Variants in H2BC14 observed in about 807,000 individuals in gnomAD.
H2BC14 encodes the protein histone H2B type 1-M.
Under a neutral mutation model 6.3 loss-of-function variants are expected in H2BC14, and 17 were observed. The observed-to-expected ratio is 2.70, with a 90% CI of 1.84 to 4.04. The LOEUF (loss-of-function observed/expected upper bound fraction) is 4.04, where lower values mean the gene tolerates loss of function less well. Among genes scored for constraint, H2BC14 ranks in the 30% most tolerant of loss-of-function variants. H2BC14 has a pLI of 0.00. For missense variants in H2BC14, 235 were observed against 165.1 expected (o/e 1.42, Z -2.32); for synonymous variants, 131 against 69.0 (o/e 1.90, Z -4.45).
rs1760645633 is a variant in H2BC14, at chr6:27,815,261, G to A, written c.218G>A (p.Arg73His). The change falls in exon 1 of 1, where the codon CGT becomes CAT. Residue 73 changes from arginine (R) to histidine (H), a missense_variant. Arg to His is a conservative substitution (Grantham distance 29). Coordinates refer to ENST00000621112, the MANE Select transcript of H2BC14 (RefSeq NM_003521.3). ...TCCTTCGTCAACGACATCTTTGAGCGTATCGCCGGAGAAGCGTCACGCCTG... is the reference window on the plus strand; with the variant it reads ...TCCTTCGTCAACGACATCTTTGAGCATATCGCCGGAGAAGCGTCACGCCTG... ...MNSFVNDIFE[R>H]IAGEASRLAH... 4 of 1,614,214 alleles carry A rather than the reference G, an allele frequency of 2.5e-6. No individual in the cohort carries two copies. Among genetic ancestry groups the A allele is most frequent in the Admixed American group, 1.7e-5 (1 of 60,022 alleles).
At position 27,815,047 on chromosome 6, in the gene H2BC14, C is replaced by G; in HGVS notation, c.4C>G (p.Pro2Ala). MPEPVKSAPVPK... is the reference protein window; with the variant it reads MAEPVKSAPVPK... Reference sequence around the variant, plus strand: ...GTCTTTTATTTTGTTTTCCACCATGCCTGAACCAGTCAAATCTGCTCCAGT... The same window carrying G: ...GTCTTTTATTTTGTTTTCCACCATGGCTGAACCAGTCAAATCTGCTCCAGT... The change falls in exon 1 of 1, where the codon CCT (proline) becomes GCT (alanine). Residue 2 changes from proline to alanine, a missense_variant. Physicochemically the swap from Pro to Ala is conservative, Grantham distance 27 (BLOSUM62 -1). Transcript: ENST00000621112. The G allele has an allele frequency of 6.2e-7, 1 of 1,605,248 alleles. No individual in the cohort carries two copies. The highest frequency in any genetic ancestry group is 8.5e-7 in the Non-Finnish European group (1 of 1,176,592).
chr6:27,815,253 C>G lies in H2BC14; in HGVS notation c.210C>G (p.Ile70Met). ...TCATGAACTCCTTCGTCAACGACAT[C>G]TTTGAGCGTATCGCCGGAGAAGCGT... is the stretch of plus-strand genomic sequence containing the variant. ...MGIMNSFVND[I>M]FERIAGEASR... Residue 70 changes from isoleucine to methionine, a missense_variant, in exon 1 of 1, where the codon ATC (isoleucine) becomes ATG (methionine). Ile to Met is a conservative substitution (Grantham distance 10, BLOSUM62 1). Coordinates refer to ENST00000621112, the MANE Select transcript of H2BC14 (RefSeq NM_003521.3). 1 of 1,614,252 alleles carries G rather than the reference C, an allele frequency of 6.2e-7. No homozygotes were observed. The highest frequency in any genetic ancestry group is 8.5e-7 in the Non-Finnish European group (1 of 1,180,046).
Position 27,815,080 on chromosome 6 carries a change from AAAGGCTCCAAGAAGGCCATTAAC to A in H2BC14, c.45_67del (p.Lys16GlufsTer49), listed in dbSNP as rs1760639096. ...AGTCAAATCTGCTCCAGTCCCTAAA[AAAGGCTCCAAGAAGGCCATTAAC>A]AAGGCTCAGAAGAAGGATGGAAAGA... On this transcript the variant is annotated frameshift_variant, in exon 1 of 1. Coordinates refer to ENST00000621112, the MANE Select transcript of H2BC14 (RefSeq NM_003521.3). LOFTEE classifies it high-confidence loss of function. 1 of 1,613,480 alleles carries A rather than the reference AAAGGCTCCAAGAAGGCCATTAAC, an allele frequency of 6.2e-7. No individual in the cohort carries two copies. Among genetic ancestry groups the A allele is most frequent in the Admixed American group, 1.7e-5 (1 of 59,940 alleles).
rs183563161 is a variant in H2BC14 at position 27,815,307 on chromosome 6, G to A, written c.264G>A (p.Ser88=). Residue 88 remains serine, a synonymous_variant, in exon 1 of 1, where the codon TCG becomes TCA. Transcript: ENST00000621112. ...ASRLAHYNKR[S]TITSREIQTA... is the part of the protein sequence containing the mutation. ...GCCTGGCGCATTACAACAAGCGCTCGACCATCACTTCGAGGGAGATCCAGA... is the reference window on the plus strand; with the variant it reads ...GCCTGGCGCATTACAACAAGCGCTCAACCATCACTTCGAGGGAGATCCAGA... 1 of 1,614,206 alleles carries A rather than the reference G, an allele frequency of 6.2e-7. No individual in the cohort carries two copies. Among genetic ancestry groups the A allele is most frequent in the South Asian group, 1.1e-5 (1 of 91,086 alleles).
In H2BC14 at chr6:27,815,075, CTAAAAAA is replaced by C. The variant is rs1206513097; in HGVS notation, c.33_39del (p.Lys12AlafsTer33). The C allele has an allele frequency of 2.5e-6, 4 of 1,613,278 alleles. No individual in the cohort carries two copies. The highest frequency in any genetic ancestry group is 3.4e-6 in the Non-Finnish European group (4 of 1,179,576). ...GAACCAGTCAAATCTGCTCCAGTCC[CTAAAAAA>C]GGCTCCAAGAAGGCCATTAACAAGG... On this transcript the variant is annotated frameshift_variant, in exon 1 of 1. Transcript: ENST00000621112. LOFTEE classifies it high-confidence loss of function.
chr6:27,815,277 G>T lies in H2BC14; in HGVS notation c.234G>T (p.Ala78=), dbSNP rs1224728434. 6.2e-7 allele frequency: 1 copy of T among 1,614,200 alleles called. No homozygotes were observed. Among genetic ancestry groups the T allele is most frequent in the Non-Finnish European group, 8.5e-7 (1 of 1,180,036 alleles). The part of the protein sequence containing the change: ...NDIFERIAGE[A]SRLAHYNKRS... Reference sequence around the variant, plus strand: ...TCTTTGAGCGTATCGCCGGAGAAGCGTCACGCCTGGCGCATTACAACAAGC... The same window carrying T: ...TCTTTGAGCGTATCGCCGGAGAAGCTTCACGCCTGGCGCATTACAACAAGC... Residue 78 remains alanine, a synonymous_variant, in exon 1 of 1, where the codon GCG becomes GCT. Coordinates refer to ENST00000621112, the MANE Select transcript of H2BC14 (RefSeq NM_003521.3).
In H2BC14 at chr6:27,815,047, C is replaced by T. The variant is rs1760637368; in HGVS notation, c.4C>T (p.Pro2Ser). Residue 2 changes from proline (P) to serine (S), a missense_variant, in exon 1 of 1, where the codon CCT (proline) becomes TCT (serine). Pro to Ser is a moderately conservative substitution (Grantham distance 74). Coordinates refer to ENST00000621112, the MANE Select transcript of H2BC14 (RefSeq NM_003521.3). ...GTCTTTTATTTTGTTTTCCACCATG[C>T]CTGAACCAGTCAAATCTGCTCCAGT... M[P>S]EPVKSAPVPK... 7 of 1,605,142 alleles carry T rather than the reference C, an allele frequency of 4.4e-6. No individual in the cohort carries two copies. Among genetic ancestry groups the T allele is most frequent in the African/African-American group, 1.4e-5 (1 of 73,248 alleles).
chr6:27,815,126 A>G lies in H2BC14; in HGVS notation c.83A>G (p.Lys28Arg). ...AINKAQKKDG[K>R]KRKRSRKESY... ...AACAAGGCTCAGAAGAAGGATGGAA[A>G]GAAGCGCAAACGCAGCCGCAAGGAG... The change falls in exon 1 of 1, where the codon AAG (lysine) becomes AGG (arginine). Residue 28 changes from lysine (K) to arginine (R), a missense_variant. Coordinates refer to ENST00000621112, the MANE Select transcript of H2BC14 (RefSeq NM_003521.3). The G allele has an allele frequency of 1.2e-6, 2 of 1,614,266 alleles. No individual in the cohort carries two copies. The highest frequency in any genetic ancestry group is 2.2e-5 in the East Asian group (1 of 44,888).
Position 27,815,307 on chromosome 6 carries a change from G to C in H2BC14, c.264G>C (p.Ser88=), listed in dbSNP as rs183563161. Residue 88 remains serine, a synonymous_variant, in exon 1 of 1, where the codon TCG becomes TCC. Transcript: ENST00000621112. ...GCCTGGCGCATTACAACAAGCGCTC[G>C]ACCATCACTTCGAGGGAGATCCAGA... ...ASRLAHYNKR[S]TITSREIQTA... is the part of the protein sequence containing the mutation. The C allele has an allele frequency of 2.5e-6, 4 of 1,614,206 alleles. No individual in the cohort carries two copies. In the East Asian group the frequency reaches 8.9e-5, roughly 36 times the overall value.
rs890484244 is a variant in H2BC14 at position 27,815,486 on chromosome 6, T to A, written c.*62T>A. On this transcript the variant is annotated 3_prime_UTR_variant, in exon 1 of 1. Coordinates refer to ENST00000621112, the MANE Select transcript of H2BC14 (RefSeq NM_003521.3). ...ACCCCAAAGGCTCTTTTCAGAGCCG[T>A]CCACGTTTCTCAAGAAAGAGCCAGT... The A allele has an allele frequency of 2.5e-6, 4 of 1,569,858 alleles. No individual in the cohort carries two copies. The highest frequency in any genetic ancestry group is 3.4e-6 in the Non-Finnish European group (4 of 1,162,576).
Position 27,815,348 on chromosome 6 carries a change from TG to T in H2BC14, c.306del (p.Leu103TyrfsTer35). On this transcript the variant is annotated frameshift_variant, in exon 1 of 1. Coordinates refer to ENST00000621112, the MANE Select transcript of H2BC14 (RefSeq NM_003521.3). LOFTEE classifies it high-confidence loss of function. Reference protein sequence around the residue: ...SREIQTAVRLLLPGELAKHAV... With the variant: ...SREIQTAVRLXLPGELAKHAV... Reference sequence around the variant, plus strand: ...GAGATCCAGACGGCCGTGCGCCTACTGCTACCCGGGGAATTGGCCAAGCACG... The same window carrying T: ...GAGATCCAGACGGCCGTGCGCCTACTCTACCCGGGGAATTGGCCAAGCACG... 6.2e-7 allele frequency: 1 copy of T among 1,614,220 alleles called. No individual in the cohort carries two copies. The highest frequency in any genetic ancestry group is 8.5e-7 in the Non-Finnish European group (1 of 1,180,032).
Position 27,815,215 on chromosome 6 carries a change from A to C in H2BC14, c.172A>C (p.Lys58Gln). The C allele has an allele frequency of 6.2e-7, 1 of 1,614,234 alleles. No homozygotes were observed. Among genetic ancestry groups the C allele is most frequent in the Non-Finnish European group, 8.5e-7 (1 of 1,180,046 alleles). ...CCACCCCGACACCGGCATCTCTTCCAAGGCTATGGGAATCATGAACTCCTT... is the reference window on the plus strand; with the variant it reads ...CCACCCCGACACCGGCATCTCTTCCCAGGCTATGGGAATCATGAACTCCTT... ...QVHPDTGISS[K>Q]AMGIMNSFVN... The change falls in exon 1 of 1, where the codon AAG becomes CAG. Residue 58 changes from lysine (K) to glutamine (Q), a missense_variant. Physicochemically the swap from Lys to Gln is moderately conservative, Grantham distance 53. Coordinates refer to ENST00000621112, the MANE Select transcript of H2BC14 (RefSeq NM_003521.3).
In H2BC14 at chr6:27,815,462, C is replaced by A. The variant is rs767361601; in HGVS notation, c.*38C>A. Reference sequence around the variant, plus strand: ...AGTAACAGTTCCGCCGTGACCCACACCCCAAAGGCTCTTTTCAGAGCCGTC... The same window carrying A: ...AGTAACAGTTCCGCCGTGACCCACAACCCAAAGGCTCTTTTCAGAGCCGTC... On this transcript the variant is annotated 3_prime_UTR_variant, in exon 1 of 1. Transcript: ENST00000621112. 6.2e-7 allele frequency: 1 copy of A among 1,605,674 alleles called. No individual in the cohort carries two copies. Among genetic ancestry groups the A allele is most frequent in the Non-Finnish European group, 8.5e-7 (1 of 1,177,164 alleles).
Position 27,815,303 on chromosome 6 carries a change from G to A in H2BC14, c.260G>A (p.Arg87His), listed in dbSNP as rs760473010. 2 of 1,614,188 alleles carry A rather than the reference G, an allele frequency of 1.2e-6. No individual in the cohort carries two copies. Among genetic ancestry groups the A allele is most frequent in the East Asian group, 2.2e-5 (1 of 44,876 alleles). Residue 87 changes from arginine (R) to histidine (H), a missense_variant, in exon 1 of 1, where the codon CGC becomes CAC. By Grantham distance (29) the Arg-to-His change is conservative. Coordinates refer to ENST00000621112, the MANE Select transcript of H2BC14 (RefSeq NM_003521.3). ...EASRLAHYNK[R>H]STITSREIQT... ...TCACGCCTGGCGCATTACAACAAGC[G>A]CTCGACCATCACTTCGAGGGAGATC...
Position 27,815,290 on chromosome 6 carries a change from CAT to C in H2BC14, c.248_249del (p.His83LeufsTer50), listed in dbSNP as rs748423848. 1 of 1,614,224 alleles carries C rather than the reference CAT, an allele frequency of 6.2e-7. No homozygotes were observed. Among genetic ancestry groups the C allele is most frequent in the Non-Finnish European group, 8.5e-7 (1 of 1,180,046 alleles). On this transcript the variant is annotated frameshift_variant, in exon 1 of 1. Coordinates refer to ENST00000621112, the MANE Select transcript of H2BC14 (RefSeq NM_003521.3). LOFTEE classifies it high-confidence loss of function. The stretch of plus-strand genomic sequence containing the variant: ...CGCCGGAGAAGCGTCACGCCTGGCG[CAT>C]TACAACAAGCGCTCGACCATCACTT... ...RIAGEASRLA[H>X]YNKRSTITSR...
At position 27,815,094 on chromosome 6, in the gene H2BC14, G is replaced by A. The variant is rs781089036; in HGVS notation, c.51G>A (p.Lys17=). Reference sequence around the variant, plus strand: ...CAGTCCCTAAAAAAGGCTCCAAGAAGGCCATTAACAAGGCTCAGAAGAAGG... The same window carrying A: ...CAGTCCCTAAAAAAGGCTCCAAGAAAGCCATTAACAAGGCTCAGAAGAAGG... ...SAPVPKKGSK[K]AINKAQKKDG... The change falls in exon 1 of 1, where the codon AAG becomes AAA. Residue 17 remains lysine, a synonymous_variant. Transcript: ENST00000621112. 3.1e-6 allele frequency: 5 copies of A among 1,613,900 alleles called. No homozygotes were observed. Among genetic ancestry groups the A allele is most frequent in the Non-Finnish European group, 4.2e-6 (5 of 1,179,930 alleles).
At position 27,815,483 on chromosome 6, in the gene H2BC14, C is replaced by T; in HGVS notation, c.*59C>T. 1 of 1,579,078 alleles carries T rather than the reference C, an allele frequency of 6.3e-7. No individual in the cohort carries two copies. The highest frequency in any genetic ancestry group is 8.6e-7 in the Non-Finnish European group (1 of 1,166,028). On this transcript the variant is annotated 3_prime_UTR_variant, in exon 1 of 1. Coordinates refer to ENST00000621112, the MANE Select transcript of H2BC14 (RefSeq NM_003521.3). ...CACACCCCAAAGGCTCTTTTCAGAG[C>T]CGTCCACGTTTCTCAAGAAAGAGCC...
At position 27,815,214 on chromosome 6, in the gene H2BC14, C is replaced by T. The variant is rs755721361; in HGVS notation, c.171C>T (p.Ser57=). The T allele has an allele frequency of 7.4e-6, 12 of 1,614,224 alleles. No homozygotes were observed. Among genetic ancestry groups the T allele is most frequent in the African/African-American group, 1.3e-5 (1 of 75,052 alleles). ...KQVHPDTGIS[S]KAMGIMNSFV... The stretch of plus-strand genomic sequence containing the variant: ...TCCACCCCGACACCGGCATCTCTTC[C>T]AAGGCTATGGGAATCATGAACTCCT... Residue 57 remains serine (S), a synonymous_variant, in exon 1 of 1, where the codon TCC becomes TCT. Transcript: ENST00000621112.
chr6:27,815,117 A>C lies in H2BC14; in HGVS notation c.74A>C (p.Lys25Thr). 6.2e-7 allele frequency: 1 copy of C among 1,614,236 alleles called. No individual in the cohort carries two copies. Among genetic ancestry groups the C allele is most frequent in the Non-Finnish European group, 8.5e-7 (1 of 1,180,040 alleles). The change falls in exon 1 of 1, where the codon AAG becomes ACG. Residue 25 changes from lysine (K) to threonine (T), a missense_variant. By Grantham distance (78) the Lys-to-Thr change is moderately conservative (BLOSUM62 -1). Coordinates refer to ENST00000621112, the MANE Select transcript of H2BC14 (RefSeq NM_003521.3). ...SKKAINKAQK[K>T]DGKKRKRSRK... The stretch of plus-strand genomic sequence containing the variant: ...AAGGCCATTAACAAGGCTCAGAAGA[A>C]GGATGGAAAGAAGCGCAAACGCAGC...
Sources: allele counts gnomAD v4.1 joint callset, GRCh38; gene constraint gnomAD v4.1.1; transcripts MANE v1.5; gene names NCBI Gene and HGNC (gene_info 2026-07-23, HGNC 2026-07-21).